Variants in LRRC4C observed in about 807,000 individuals in gnomAD.
The protein encoded by LRRC4C is leucine rich repeat containing 4C.
Under a neutral mutation model 33.6 loss-of-function variants are expected in LRRC4C, and 5 were observed. The observed-to-expected ratio is 0.15, with a 90% CI of 0.08 to 0.31. The LOEUF (loss-of-function observed/expected upper bound fraction) is 0.31, where lower values mean the gene tolerates loss of function less well. Ranked by LOEUF, LRRC4C falls within the 10% of genes least tolerant of loss-of-function variation. The pLI is 1.00. For missense variants in LRRC4C, 560 were observed against 796.7 expected, an observed-to-expected ratio of 0.70 and a Z score of 3.58; for synonymous variants, 329 against 302.0, an observed-to-expected ratio of 1.09 and a Z score of -0.93.
At chr11:40,879,019 A>T (rs1955045472) in intron 2 of LRRC4C, among the ~76,000 whole-genome samples, 1 of 152,152 alleles carries the variant, frequency 6.6e-6, no homozygotes, top group Non-Finnish European at 1.5e-5. Flanking sequence ...CACGACTATA[A>T]GTAATTCATG....
chr11:40,163,190 C>T (rs1032696525), intron 5 of LRRC4C, among the ~76,000 whole-genome samples: 3 of 152,138 alleles, frequency 2.0e-5, no homozygotes, highest in Non-Finnish European at 4.4e-5. Context: ...TCCACCATAC[C>T]GTGTGTAAGA....
At chr11:41,403,573 G>A (rs771353102) in intron 1 of LRRC4C, among the ~76,000 whole-genome samples, 7 of 152,056 alleles carry the variant, frequency 4.6e-5, no homozygotes, top group Admixed American at 3.3e-4. Context: ...TGATAACTAT[G>A]CAAGCTGTTG....
intron 2 of LRRC4C, among the ~76,000 whole-genome samples, chr11:40,670,822 G>A (rs1362844737): frequency 2.0e-5 from 3 of 152,162 alleles, no homozygotes; most frequent in African/African-American, 7.2e-5. Context: ...GGAGTGCAGT[G>A]ACGCATCCTC....
chr11:41,282,572 C>A (rs1949708283), intron 1 of LRRC4C, among the ~76,000 whole-genome samples: 1 of 152,204 alleles, frequency 6.6e-6, no homozygotes, highest in South Asian at 2.1e-4. Context: ...AGACAGTCCT[C>A]CTCCTAACAG....
intron 2 of LRRC4C, among the ~76,000 whole-genome samples, chr11:40,728,583 G>A (rs1375505897): frequency 5.2e-5 from 7 of 133,626 alleles, no homozygotes; most frequent in East Asian, 4.2e-4. Flanking sequence ...CTGAGATTGC[G>A]CCACTGCACT....
intron 2 of LRRC4C, among the ~76,000 whole-genome samples, chr11:40,773,623 T>G (rs2137195098): frequency 6.6e-6 from 1 of 152,050 alleles, no homozygotes; most frequent in Admixed American, 6.6e-5. Flanking sequence ...TTAAAAAACA[T>G]TTTGAGAGAC....
intron 1 of LRRC4C, among the ~76,000 whole-genome samples, chr11:41,456,076 G>A (rs1956163499): frequency 1.3e-5 from 2 of 152,144 alleles, no homozygotes. Context: ...CTGAGAGGTT[G>A]TTCTGAAGTG....
chr11:40,208,006 C>T (rs1368242678), intron 5 of LRRC4C, among the ~76,000 whole-genome samples: 1 of 152,154 alleles, frequency 6.6e-6, no homozygotes, highest in African/African-American at 2.4e-5. Context: ...CTACGGGACA[C>T]TAAGGAAACC....
intron 1 of LRRC4C, among the ~76,000 whole-genome samples, chr11:41,340,435 A>G (rs959731357): frequency 6.6e-6 from 1 of 152,216 alleles, no homozygotes; most frequent in Non-Finnish European, 1.5e-5. Flanking sequence ...TTAATCACAA[A>G]TAAAGTCTTA....
chr11:41,140,296 C>T (rs1034795804), intron 1 of LRRC4C, among the ~76,000 whole-genome samples: 1 of 151,920 alleles, frequency 6.6e-6, no homozygotes, highest in African/African-American at 2.4e-5. Flanking sequence ...CACAGACCCA[C>T]CCTTCTCCAT....
chr11:40,527,006 A>AGCTAG (rs2135276391), intron 3 of LRRC4C, among the ~76,000 whole-genome samples: 1 of 152,316 alleles, frequency 6.6e-6, no homozygotes, highest in African/African-American at 2.4e-5. Context: ...TAACAAAAGA[A>AGCTAG]GCTAGACATA....
intron 2 of LRRC4C, among the ~76,000 whole-genome samples, chr11:40,657,315 C>A (rs1252694716): frequency 6.6e-6 from 1 of 152,108 alleles, no homozygotes; most frequent in African/African-American, 2.4e-5. Context: ...CTGGAATTTT[C>A]TCGTATAAGT....
intron 5 of LRRC4C, among the ~76,000 whole-genome samples, chr11:40,233,872 G>A (rs1865372777): frequency 6.6e-6 from 1 of 152,146 alleles, no homozygotes; most frequent in Non-Finnish European, 1.5e-5. Context: ...AACAATATTA[G>A]GTATATGAAT....
chr11:40,229,163 T>C (rs1221653185), intron 5 of LRRC4C, among the ~76,000 whole-genome samples: 1 of 152,184 alleles, frequency 6.6e-6, no homozygotes, highest in African/African-American at 2.4e-5. Flanking sequence ...GTCTTCTTTA[T>C]CTATTCCTCA....
At chr11:40,515,882 A>C (rs947050293) in intron 3 of LRRC4C, among the ~76,000 whole-genome samples, 3 of 152,026 alleles carry the variant, frequency 2.0e-5, no homozygotes, top group African/African-American at 7.2e-5. Context: ...TAAGTATACT[A>C]TTAAATTTAT....
At chr11:41,254,057 A>G (rs1948723723) in intron 1 of LRRC4C, among the ~76,000 whole-genome samples, 2 of 152,044 alleles carry the variant, frequency 1.3e-5, no homozygotes, top group African/African-American at 4.8e-5. Context: ...TATATATACG[A>G]CCTAGTAAGA....
intron 6 of LRRC4C, among the ~76,000 whole-genome samples, chr11:40,132,414 C>T (rs1053759511): frequency 6.6e-6 from 1 of 152,096 alleles, no homozygotes; most frequent in Non-Finnish European, 1.5e-5. Flanking sequence ...TGTCACTCCA[C>T]GTCATTTCTT....
At chr11:40,443,387 G>A (rs570375910) in intron 3 of LRRC4C, among the ~76,000 whole-genome samples, 1 of 152,218 alleles carries the variant, frequency 6.6e-6, no homozygotes, top group East Asian at 1.9e-4. Context: ...AAGAAGTTTT[G>A]GACTTTTGAA....
At chr11:40,324,273 T>C (rs567373271) in intron 3 of LRRC4C, among the ~76,000 whole-genome samples, 1 of 152,354 alleles carries the variant, frequency 6.6e-6, no homozygotes, top group African/African-American at 2.4e-5. Context: ...AAAGTATTGC[T>C]CTGGCAATAG....
Sources: allele counts gnomAD v4.1 joint callset (sites outside exome capture counted in the v4.1 genomes callset), GRCh38; gene constraint gnomAD v4.1.1; transcripts MANE v1.5; gene names NCBI Gene and HGNC (gene_info 2026-07-23, HGNC 2026-07-21).